The following NAALADL2 variants were observed in gnomAD, a reference collection of about 807,000 sequenced individuals.
NAALADL2 encodes inactive N-acetylated-alpha-linked acidic dipeptidase-like protein 2.
NAALADL2 carries 76 observed loss-of-function variants against 87.2 expected under a neutral mutation model. The observed-to-expected ratio is 0.87, with a 90% CI of 0.72 to 1.05. NAALADL2 has a LOEUF of 1.05. Among genes scored for constraint, NAALADL2 ranks in the 50% least tolerant of loss-of-function variants. The pLI, the probability that NAALADL2 is intolerant of heterozygous loss-of-function variation, is 0.00. For synonymous variants in NAALADL2, 354 were observed against 331.0 expected (o/e 1.07, Z -0.75); for missense variants, 1,089 against 945.8 (o/e 1.15, Z -1.99).
At chr3:174,621,302 C>T (rs767196093) in intron 2 of NAALADL2, among the ~76,000 whole-genome samples, 4 of 151,906 alleles carry the variant, frequency 2.6e-5, no homozygotes, top group African/African-American at 4.8e-5. Context: ...AATTTTTTAT[C>T]GCACAAGTCT....
chr3:175,027,303 G>T (rs950862728), intron 1 of NAALADL2, among the ~76,000 whole-genome samples: 2 of 152,006 alleles, frequency 1.3e-5, no homozygotes, highest in African/African-American at 4.8e-5. Flanking sequence ...AATGCTCCCA[G>T]ATCTGAAGCA....
At chr3:175,254,044 G>A (rs1195186388) in intron 3 of NAALADL2, among the ~76,000 whole-genome samples, 1 of 152,132 alleles carries the variant, frequency 6.6e-6, no homozygotes, top group African/African-American at 2.4e-5. Context: ...CGTAAACTGA[G>A]TTCATTAAAG....
intron 11 of NAALADL2, among the ~76,000 whole-genome samples, chr3:175,712,273 G>T (rs182994218): frequency 6.6e-6 from 1 of 151,874 alleles, no homozygotes; most frequent in African/African-American, 2.4e-5. Flanking sequence ...AGATTAATAA[G>T]TTACATTTAT....
chr3:175,354,785 C>T (rs1440366699), intron 5 of NAALADL2, among the ~76,000 whole-genome samples: 1 of 151,460 alleles, frequency 6.6e-6, no homozygotes, highest in Non-Finnish European at 1.5e-5. Context: ...TCCTGAGTAG[C>T]TGGAATTACA....
chr3:175,774,519 A>T (rs897133931), intron 13 of NAALADL2, among the ~76,000 whole-genome samples: 1 of 151,984 alleles, frequency 6.6e-6, no homozygotes, highest in Non-Finnish European at 1.5e-5. Context: ...GCCTAACAAC[A>T]TAGTAAAGTA....
intron 1 of NAALADL2, among the ~76,000 whole-genome samples, chr3:174,538,631 T>A (rs1721942328): frequency 1.3e-5 from 2 of 152,160 alleles, no homozygotes. Flanking sequence ...GGCATTTTTT[T>A]AAGTTGGATA....
At chr3:175,117,219 A>G (rs940902577) in intron 2 of NAALADL2, among the ~76,000 whole-genome samples, 4 of 152,144 alleles carry the variant, frequency 2.6e-5, no homozygotes, top group Non-Finnish European at 4.4e-5. Context: ...CTTCATGTCT[A>G]AAAAACCAAA....
At chr3:174,880,889 C>T (rs753560383) in intron 1 of NAALADL2, among the ~76,000 whole-genome samples, 7 of 152,090 alleles carry the variant, frequency 4.6e-5, no homozygotes, top group Non-Finnish European at 8.8e-5. Flanking sequence ...GAATCTATAT[C>T]ATGCCCCTTC....
chr3:175,345,634 G>T (rs1013480406), intron 5 of NAALADL2, among the ~76,000 whole-genome samples: 1 of 152,108 alleles, frequency 6.6e-6, no homozygotes, highest in East Asian at 1.9e-4. Flanking sequence ...ACTCCAACTT[G>T]ATCCCACACA....
intron 6 of NAALADL2, among the ~76,000 whole-genome samples, chr3:175,450,144 TG>T (rs1311021794): frequency 6.6e-6 from 1 of 152,112 alleles, no homozygotes; most frequent in Non-Finnish European, 1.5e-5. Context: ...CTTACCCTAA[TG>T]TTTTGGACAA....
intron 2 of NAALADL2, among the ~76,000 whole-genome samples, chr3:175,170,545 A>G (rs968755093): frequency 3.4e-5 from 5 of 149,024 alleles, no homozygotes; most frequent in Admixed American, 6.7e-5. Flanking sequence ...GAGATAAAAG[A>G]TGTGTTTAAT....
At chr3:175,667,241 A>AAGAAAAAGAAAGAAAGAAAAAG (rs1182682303) in intron 11 of NAALADL2, among the ~76,000 whole-genome samples, 10 of 91,714 alleles carry the variant, frequency 1.1e-4, no homozygotes, top group African/African-American at 5.1e-4. Flanking sequence ...GAAAGAAAGA[A>AAGAAAAAGAAAGAAAGAAAAAG]AAAGAAAGAA....
intron 2 of NAALADL2, among the ~76,000 whole-genome samples, chr3:175,126,289 A>C (rs922286493): frequency 6.6e-6 from 1 of 152,132 alleles, no homozygotes; most frequent in Non-Finnish European, 1.5e-5. Context: ...ATAAATTCTG[A>C]TTGTGCAGAC....
At chr3:174,656,391 T>G (rs2108767131) in intron 2 of NAALADL2, among the ~76,000 whole-genome samples, 1 of 152,308 alleles carries the variant, frequency 6.6e-6, no homozygotes, top group East Asian at 1.9e-4. Flanking sequence ...GTTGTTGAAC[T>G]TCTTTCGAAA....
At chr3:175,349,419 T>G (rs1026623374) in intron 5 of NAALADL2, among the ~76,000 whole-genome samples, 4 of 147,514 alleles carry the variant, frequency 2.7e-5, no homozygotes, top group Non-Finnish European at 6.1e-5. Flanking sequence ...GAGACTAGAG[T>G]GTGCGGAGGG....
intron 2 of NAALADL2, among the ~76,000 whole-genome samples, chr3:174,613,052 C>A (rs143110596): frequency 1.3e-5 from 2 of 152,318 alleles, no homozygotes; most frequent in East Asian, 3.9e-4. Flanking sequence ...TACAGATATA[C>A]CTTGATGGTC....
intron 1 of NAALADL2, among the ~76,000 whole-genome samples, chr3:175,016,254 A>AATAT (rs1370819169): frequency 2.4e-3 from 307 of 127,306 alleles, no homozygotes; most frequent in African/African-American, 0.01. Context: ...TCTCAGATAA[A>AATAT]TTATTTATAT....
intron 1 of NAALADL2, among the ~76,000 whole-genome samples, chr3:174,453,261 C>A (rs1000500834): frequency 2.0e-5 from 3 of 152,118 alleles, no homozygotes; most frequent in African/African-American, 7.2e-5. Context: ...AACAAAAAAA[C>A]CCTCTGAGAA....
intron 4 of NAALADL2, among the ~76,000 whole-genome samples, chr3:175,293,988 G>A (rs972677112): frequency 2.6e-5 from 4 of 152,122 alleles, no homozygotes; most frequent in Non-Finnish European, 5.9e-5. Context: ...CTAGTGCAAA[G>A]CCACACAGTG....
Sources: gnomAD v4.1 joint callset for allele counts (sites outside exome capture counted in the v4.1 genomes callset) on GRCh38, gnomAD v4.1.1 for gene constraint, MANE v1.5 for transcripts, NCBI Gene and HGNC (gene_info 2026-07-23, HGNC 2026-07-21) for gene names.